The following OCA2 variants were observed in gnomAD, a reference collection of about 807,000 sequenced individuals.
OCA2 encodes the protein OCA2 melanosomal transmembrane protein, also known as P protein.
In OCA2, 77 loss-of-function variants were observed where a neutral mutation model predicts 100.2. The ratio of observed to expected loss-of-function variants is 0.77; its 90% confidence interval spans 0.64 to 0.93. The LOEUF (loss-of-function observed/expected upper bound fraction) is 0.93. Among genes scored for constraint, OCA2 ranks in the 40% least tolerant of loss-of-function variants. OCA2 has a pLI of 0.00. For missense variants in OCA2, 1,062 were observed against 1,089.1 expected, an observed-to-expected ratio of 0.98 and a Z score of 0.35; for synonymous variants, 432 against 439.2, an observed-to-expected ratio of 0.98 and a Z score of 0.21.
chr15:27,955,255 C>T lies in OCA2; in HGVS notation c.1785-40G>A, dbSNP rs200552295. On this transcript the variant is annotated intron_variant, in intron 16 of 23. Transcript: ENST00000354638. The stretch of plus-strand genomic sequence containing the variant: ...AAGAGACTCATTACTTCCCTGGTCA[C>T]GCTGCGTGGTGAGATCGCGGAGCAG... 105 of 1,470,552 alleles carry T rather than the reference C, an allele frequency of 7.1e-5. No individual in the cohort carries two copies. The South Asian group carries it at 7.8e-4, about 11-fold the overall frequency. 91.1% of individuals were successfully genotyped at this position (1,470,552 alleles called of 1,614,324 possible).
intron 19 of OCA2, among the ~76,000 whole-genome samples, chr15:27,914,605 A>G (rs926232798): frequency 8.5e-5 from 13 of 152,158 alleles, no homozygotes; most frequent in African/African-American, 2.9e-4. Context: ...ATGCAATCCC[A>G]TTTACATCAG....
At chr15:27,982,220 T>C (rs2041189652) in intron 14 of OCA2, among the ~76,000 whole-genome samples, 1 of 152,244 alleles carries the variant, frequency 6.6e-6, no homozygotes, top group Non-Finnish European at 1.5e-5. Flanking sequence ...TAAAAGAATT[T>C]ACCTCTGGTT....
intron 2 of OCA2, among the ~76,000 whole-genome samples, chr15:28,041,501 T>A (rs914556731): frequency 6.6e-6 from 1 of 152,300 alleles, no homozygotes; most frequent in Non-Finnish European, 1.5e-5. Context: ...TTCTACTCAA[T>A]GCAGTATTGG....
intron 15 of OCA2, among the ~76,000 whole-genome samples, chr15:27,964,198 T>C (rs1458458797): frequency 6.6e-6 from 1 of 152,168 alleles, no homozygotes; most frequent in African/African-American, 2.4e-5. Context: ...CAGAAATTCT[T>C]CCAAAAAATT....
intron 18 of OCA2, among the ~76,000 whole-genome samples, chr15:27,935,968 C>T (rs2039436252): frequency 6.6e-6 from 1 of 152,060 alleles, no homozygotes; most frequent in African/African-American, 2.4e-5. Context: ...TCAACAGTTA[C>T]TCATCTCATA....
At chr15:27,769,096 G>A (rs2031512255) in intron 23 of OCA2, among the ~76,000 whole-genome samples, 1 of 152,146 alleles carries the variant, frequency 6.6e-6, no homozygotes, top group Non-Finnish European at 1.5e-5. Flanking sequence ...TGCACCCTAA[G>A]CCTCTCCTCA....
At chr15:27,965,209 T>C (rs1275341481) in intron 15 of OCA2, among the ~76,000 whole-genome samples, 2 of 152,154 alleles carry the variant, frequency 1.3e-5, no homozygotes, top group Non-Finnish European at 2.9e-5. Context: ...ACAGGACAAT[T>C]ATCCACCACG....
chr15:28,015,880 T>G (rs1364126900), intron 8 of OCA2, among the ~76,000 whole-genome samples: 1 of 152,228 alleles, frequency 6.6e-6, no homozygotes, highest in Non-Finnish European at 1.5e-5. Context: ...TACCATTTGT[T>G]TCAAAGTGAC....
At position 27,829,557 on chromosome 15, in the gene OCA2, G is replaced by A. The variant is rs151012434; in HGVS notation, c.2432+15402C>T. 4.0e-3 allele frequency among the ~76,000 whole-genome samples: 606 copies of A among 152,294 alleles called. 7 individuals carry two copies. The highest frequency in any genetic ancestry group is 0.014 in the African/African-American group (580 of 41,558). On this transcript the variant is annotated intron_variant, in intron 23 of 23. Transcript: ENST00000354638. ...CAAGGGCCACAGACACACTGCCAAG[G>A]GGGCTGGCTTCAGCATCCACAACAG...
chr15:27,723,866 T>A, the OCA2 span, among the ~76,000 whole-genome samples: 1 of 152,156 alleles, frequency 6.6e-6, no homozygotes, highest in Non-Finnish European at 1.5e-5. Flanking sequence ...ATTGCATGTT[T>A]ATAACCAAAA....
At chr15:27,876,518 A>G (rs1350535279) in intron 19 of OCA2, among the ~76,000 whole-genome samples, 2 of 151,996 alleles carry the variant, frequency 1.3e-5, no homozygotes, top group Non-Finnish European at 2.9e-5. Context: ...TAGGATTGGT[A>G]TTATTTCTTA....
In OCA2 at chr15:28,024,906, C is replaced by CA; in HGVS notation, c.516-5dup. On this transcript the variant is annotated splice_polypyrimidine_tract_variant and splice_region_variant and intron_variant, in intron 4 of 23. Transcript: ENST00000354638. ...TTTCAGCCACTGCACACAGCGCCTG[C>CA]AAGAGAAAAAGTAGGGCCTTAGTGG... 6.2e-7 allele frequency: 1 copy of CA among 1,614,172 alleles called. No individual in the cohort carries two copies. The highest frequency in any genetic ancestry group is 2.2e-5 in the East Asian group (1 of 44,886).
intron 23 of OCA2, among the ~76,000 whole-genome samples, chr15:27,764,160 A>C (rs1283578872): frequency 6.7e-6 from 1 of 148,882 alleles, no homozygotes; most frequent in East Asian, 2.0e-4. Context: ...AGAAAGAGGG[A>C]GGAGGGAGAC....
intron 15 of OCA2, among the ~76,000 whole-genome samples, chr15:27,964,701 C>T (rs2040508736): frequency 1.3e-5 from 2 of 152,192 alleles, no homozygotes; most frequent in Non-Finnish European, 2.9e-5. Context: ...TCTGACAATG[C>T]TCTGTACACC....
At chr15:27,975,482 A>G (rs1341400632) in intron 14 of OCA2, among the ~76,000 whole-genome samples, 1 of 152,208 alleles carries the variant, frequency 6.6e-6, no homozygotes, top group East Asian at 1.9e-4. Context: ...GGTGTGGACT[A>G]AAGTTCATTT....
In OCA2 at chr15:27,787,300, G is replaced by A. The variant is rs187522518; in HGVS notation, c.2433-31828C>T. Among the ~76,000 whole-genome samples the A allele has an allele frequency of 1.2e-3, 183 of 152,120 alleles. 1 individual carries two copies. Among genetic ancestry groups the A allele is most frequent in the Admixed American group, 2.6e-3 (39 of 15,276 alleles). On this transcript the variant is annotated intron_variant, in intron 23 of 23. Transcript: ENST00000354638. The stretch of plus-strand genomic sequence containing the variant: ...GCATTAGAACAGTACTAAAAAATCT[G>A]GAAGAGCTTTTCAAGTAGTGGTATA...
chr15:28,046,399 C>G (rs974917353), intron 2 of OCA2, among the ~76,000 whole-genome samples: 2 of 152,136 alleles, frequency 1.3e-5, no homozygotes, highest in Non-Finnish European at 2.9e-5. Context: ...TGTCAGAACC[C>G]AGCAGAAAAG....
rs113958414 is a variant in OCA2, at chr15:27,991,324, C to T, written c.1045-677G>A. Among the ~76,000 whole-genome samples, 534 of 152,304 alleles carry T rather than the reference C, an allele frequency of 3.5e-3. 4 individuals are homozygous for T. The highest frequency in any genetic ancestry group is 0.012 in the African/African-American group (517 of 41,558). ...AAAGAAATGAAAACACATGTCCACA[C>T]AAAGCACTGATGCTCATAACAACAT... On this transcript the variant is annotated intron_variant, in intron 9 of 23. Transcript: ENST00000354638.
intron 21 of OCA2, among the ~76,000 whole-genome samples, chr15:27,869,904 T>C (rs969996079): frequency 1.4e-4 from 22 of 152,162 alleles, no homozygotes; most frequent in African/African-American, 5.3e-4. Context: ...GCCGGGACAT[T>C]TGACAACAGC....
Sources: allele counts gnomAD v4.1 joint callset (sites outside exome capture counted in the v4.1 genomes callset), GRCh38; gene constraint gnomAD v4.1.1; transcripts MANE v1.5; gene names NCBI Gene and HGNC (gene_info 2026-07-23, HGNC 2026-07-21).